Variants in C12orf54 observed in about 807,000 individuals in gnomAD.
The protein encoded by C12orf54 is chromosome 12 open reading frame 54.
C12orf54 carries 24 observed loss-of-function variants against 26.4 expected under a neutral mutation model. The observed-to-expected ratio is 0.91, with a 90% CI of 0.66 to 1.28. The LOEUF is 1.28. C12orf54 is among the 50% of genes most tolerant of loss of function. C12orf54 has a pLI of 0.00. For synonymous variants in C12orf54, 54 were observed against 47.0 expected (o/e 1.15, Z -0.61); for missense variants, 154 against 150.9 (o/e 1.02, Z -0.11).
the C12orf54 span, among the ~76,000 whole-genome samples, chr12:48,428,118 A>C: frequency 3.4e-4 from 52 of 152,208 alleles, no homozygotes; most frequent in Admixed American, 1.2e-3. Flanking sequence ...AATTCTTCGA[A>C]CTGAATGACA....
the C12orf54 span, among the ~76,000 whole-genome samples, chr12:48,469,704 G>C: frequency 1.3e-5 from 2 of 152,194 alleles, no homozygotes; most frequent in Non-Finnish European, 1.5e-5. Context: ...TTTATGTTCA[G>C]AGATTGCAGT....
At chr12:48,473,784 G>A in the C12orf54 span, among the ~76,000 whole-genome samples, 2 of 152,110 alleles carry the variant, frequency 1.3e-5, no homozygotes, top group African/African-American at 2.4e-5. Flanking sequence ...GGAAGTCCGC[G>A]GCTGGTCTCA....
At chr12:48,436,301 A>T in the C12orf54 span, among the ~76,000 whole-genome samples, 2 of 152,254 alleles carry the variant, frequency 1.3e-5, no homozygotes, top group Non-Finnish European at 2.9e-5. Flanking sequence ...CTCCCACACA[A>T]TAATAATGGG....
the C12orf54 span, among the ~76,000 whole-genome samples, chr12:48,445,738 A>G: frequency 6.6e-6 from 1 of 152,222 alleles, no homozygotes; most frequent in Non-Finnish European, 1.5e-5. Context: ...TGAGGTCTTA[A>G]TTGCTAACTT....
chr12:48,490,356 T>C (rs1937760989), intron 5 of C12orf54, among the ~76,000 whole-genome samples: 2 of 152,192 alleles, frequency 1.3e-5, no homozygotes, highest in Non-Finnish European at 2.9e-5. Flanking sequence ...TTTGGAAATC[T>C]TGGGATTTTG....
chr12:48,433,721 AC>A, the C12orf54 span, among the ~76,000 whole-genome samples: 11 of 152,192 alleles, frequency 7.2e-5, no homozygotes, highest in African/African-American at 2.4e-4. Flanking sequence ...TACTGGAATT[AC>A]AGGTGTGAGC....
At chr12:48,461,574 G>A in the C12orf54 span, among the ~76,000 whole-genome samples, 4 of 151,412 alleles carry the variant, frequency 2.6e-5, no homozygotes, top group African/African-American at 7.3e-5. Context: ...TAAATCAATG[G>A]CAAAAAGATA....
At position 48,494,939 on chromosome 12, in the gene C12orf54, ACT is replaced by A. The variant is rs1198035364; in HGVS notation, c.*3_*4del. 1.2e-6 allele frequency: 2 copies of A among 1,612,634 alleles called. No individual in the cohort carries two copies. The highest frequency in any genetic ancestry group is 1.7e-6 in the Non-Finnish European group (2 of 1,178,950). ...AATCAGCTTACTACCCTGGACCCTA[ACT>A]CTACAATCAAGGAAGAAGGACATCT... On this transcript the variant is annotated 3_prime_UTR_variant, in exon 8 of 9. Transcript: ENST00000548364.
At chr12:48,472,480 C>G in the C12orf54 span, among the ~76,000 whole-genome samples, 1 of 152,106 alleles carries the variant, frequency 6.6e-6, no homozygotes, top group South Asian at 2.1e-4. Flanking sequence ...TTTGGAGCAA[C>G]TGGGTGAATG....
chr12:48,425,607 G>C, the C12orf54 span, among the ~76,000 whole-genome samples: 1 of 152,018 alleles, frequency 6.6e-6, no homozygotes, highest in Non-Finnish European at 1.5e-5. Context: ...GTGGATTTCT[G>C]TTTCAAATTG....
chr12:48,427,018 C>A, the C12orf54 span, among the ~76,000 whole-genome samples: 1 of 151,952 alleles, frequency 6.6e-6, no homozygotes, highest in Non-Finnish European at 1.5e-5. Flanking sequence ...AATCATGTCA[C>A]CTACAAACAG....
intron 7 of C12orf54, among the ~76,000 whole-genome samples, chr12:48,493,434 G>C (rs1049219018): frequency 6.6e-6 from 1 of 151,838 alleles, no homozygotes. Context: ...CCAGGAGTTC[G>C]ACACAGTGAG....
At chr12:48,438,914 T>C in the C12orf54 span, among the ~76,000 whole-genome samples, 35 of 152,120 alleles carry the variant, frequency 2.3e-4, no homozygotes, top group East Asian at 6.6e-3. Context: ...TGGGATCTAA[T>C]TAAACTAAAG....
At chr12:48,442,687 C>A in the C12orf54 span, 1 of 165,886 alleles carries the variant, frequency 6.0e-6, no homozygotes, top group South Asian at 1.5e-4. Context: ...AGATGGTTTT[C>A]TTCTCAGACA....
chr12:48,470,909 G>A, the C12orf54 span, among the ~76,000 whole-genome samples: 112 of 152,022 alleles, frequency 7.4e-4, 1 homozygote, highest in African/African-American at 2.3e-3. Context: ...TGTGAAATAA[G>A]CACATCATGG....
At chr12:48,463,143 A>T in the C12orf54 span, among the ~76,000 whole-genome samples, 1 of 151,994 alleles carries the variant, frequency 6.6e-6, no homozygotes. Context: ...TTACAATAGC[A>T]TCAAGAAATA....
At chr12:48,454,148 C>T in the C12orf54 span, among the ~76,000 whole-genome samples, 60 of 134,252 alleles carry the variant, frequency 4.5e-4, no homozygotes, top group African/African-American at 1.5e-3. Flanking sequence ...GCCAGGCTGG[C>T]GAGAAGTCGT....
chr12:48,463,139 T>A, the C12orf54 span, among the ~76,000 whole-genome samples: 1 of 151,886 alleles, frequency 6.6e-6, no homozygotes, highest in Non-Finnish European at 1.5e-5. Flanking sequence ...CAATTTACAA[T>A]AGCATCAAGA....
At chr12:48,459,879 A>G in the C12orf54 span, among the ~76,000 whole-genome samples, 1 of 152,156 alleles carries the variant, frequency 6.6e-6, no homozygotes, top group African/African-American at 2.4e-5. Context: ...AGGCTCACCT[A>G]AGCCTTGAGG....
Sources: allele counts gnomAD v4.1 joint callset (sites outside exome capture counted in the v4.1 genomes callset), GRCh38; gene constraint gnomAD v4.1.1; transcripts MANE v1.5; gene names NCBI Gene and HGNC (gene_info 2026-07-23, HGNC 2026-07-21).